Variants in CIMAP2 observed in about 807,000 individuals in gnomAD.
The protein encoded by CIMAP2 is ciliary microtubule associated protein 2, also known as ciliary microtubule-associated protein 2.
chr1:54,833,331 C>T, the CIMAP2 span, among the ~76,000 whole-genome samples: 5 of 152,214 alleles, frequency 3.3e-5, no homozygotes, highest in Middle Eastern at 3.2e-3. Flanking sequence ...CCCTGTGCTT[C>T]AGCCTCACCT....
At chr1:54,829,638 G>C in the CIMAP2 span, among the ~76,000 whole-genome samples, 4 of 152,200 alleles carry the variant, frequency 2.6e-5, no homozygotes, top group African/African-American at 4.8e-5. Context: ...ACCAGAAAAA[G>C]TCTGCCATTC....
At chr1:54,807,170 G>A in the CIMAP2 span, 18 of 1,367,990 alleles carry the variant, frequency 1.3e-5, no homozygotes, top group Middle Eastern at 1.8e-4. Context: ...GAGCTGAGCT[G>A]TAGAAGGGGC....
At chr1:54,807,837 C>T in the CIMAP2 span, 23 of 1,530,816 alleles carry the variant, frequency 1.5e-5, no homozygotes, top group African/African-American at 5.6e-5. Flanking sequence ...CTTCTTCCTG[C>T]GTGGATTTTC....
At chr1:54,838,031 A>G in the CIMAP2 span, among the ~76,000 whole-genome samples, 1 of 151,932 alleles carries the variant, frequency 6.6e-6, no homozygotes, top group Non-Finnish European at 1.5e-5. Flanking sequence ...GGAGGCAAAT[A>G]TTATATTGAA....
At chr1:54,841,746 C>T in the CIMAP2 span, 8 of 1,595,218 alleles carry the variant, frequency 5.0e-6, no homozygotes, top group Non-Finnish European at 6.0e-6. Flanking sequence ...GGATGAGGAG[C>T]TCACTCCCTT....
At chr1:54,840,593 C>T in the CIMAP2 span, among the ~76,000 whole-genome samples, 1 of 152,154 alleles carries the variant, frequency 6.6e-6, no homozygotes, top group Admixed American at 6.5e-5. Flanking sequence ...ATTTTGCACT[C>T]CCACCAGCAA....
At chr1:54,831,866 T>C in the CIMAP2 span, among the ~76,000 whole-genome samples, 1 of 152,206 alleles carries the variant, frequency 6.6e-6, no homozygotes, top group Non-Finnish European at 1.5e-5. Context: ...CATGAACTTT[T>C]TTTTTGACAC....
the CIMAP2 span, among the ~76,000 whole-genome samples, chr1:54,836,977 A>G: frequency 6.6e-6 from 1 of 151,992 alleles, no homozygotes; most frequent in Non-Finnish European, 1.5e-5. Context: ...ATGGGAGGAA[A>G]TCTTTGGAAA....
At chr1:54,835,386 C>T in the CIMAP2 span, among the ~76,000 whole-genome samples, 1 of 151,690 alleles carries the variant, frequency 6.6e-6, no homozygotes, top group South Asian at 2.1e-4. Context: ...CAGGAGGTTT[C>T]ACCATGTTGC....
At chr1:54,808,615 G>GGGGGC in the CIMAP2 span, among the ~76,000 whole-genome samples, 383 of 138,814 alleles carry the variant, frequency 2.8e-3, 39 homozygotes, top group African/African-American at 9.5e-3. Context: ...GTGCTGCCGG[G>GGGGGC]GGAGGGCAGT....
At chr1:54,812,036 TGTGCTCTAGGGGA>T in the CIMAP2 span, 2 of 1,614,170 alleles carry the variant, frequency 1.2e-6, no homozygotes, top group South Asian at 2.2e-5. Flanking sequence ...TCACCTCTGC[TGTGCTCTAGGGGA>T]GTGGTCTGGG....
At chr1:54,839,130 GA>G in the CIMAP2 span, among the ~76,000 whole-genome samples, 113,590 of 151,902 alleles carry the variant, frequency 0.75, 43,734 homozygotes, top group Middle Eastern at 0.85. Flanking sequence ...CCAGGGAGGA[GA>G]AAAAAAATTA....
chr1:54,837,419 A>C, the CIMAP2 span, among the ~76,000 whole-genome samples: 3 of 152,118 alleles, frequency 2.0e-5, no homozygotes, highest in African/African-American at 7.3e-5. Flanking sequence ...GCTACTAAGC[A>C]CAACTCTCTT....
the CIMAP2 span, among the ~76,000 whole-genome samples, chr1:54,822,783 G>A: frequency 6.6e-6 from 1 of 152,180 alleles, no homozygotes; most frequent in Non-Finnish European, 1.5e-5. Flanking sequence ...TGGGATTCCA[G>A]GCATGAGACA....
chr1:54,814,012 A>G, the CIMAP2 span: 1 of 1,555,158 alleles, frequency 6.4e-7, no homozygotes, highest in Non-Finnish European at 8.7e-7. Context: ...CCTCTCTCGG[A>G]GGGCAGCTCT....
At chr1:54,820,112 C>CTCTTTCTTTCTTTCTTTCTT in the CIMAP2 span, among the ~76,000 whole-genome samples, 42 of 8,350 alleles carry the variant, frequency 5.0e-3, no homozygotes, top group East Asian at 0.064. Flanking sequence ...TTCTCTCTCT[C>CTCTTTCTTTCTTTCTTTCTT]TCTTTCTTTC....
chr1:54,828,862 C>T, the CIMAP2 span, among the ~76,000 whole-genome samples: 2 of 151,972 alleles, frequency 1.3e-5, no homozygotes, highest in Non-Finnish European at 2.9e-5. Flanking sequence ...TTAAATCTTC[C>T]CAGTGATGTA....
the CIMAP2 span, among the ~76,000 whole-genome samples, chr1:54,816,298 A>G: frequency 1.2e-4 from 19 of 152,136 alleles, no homozygotes; most frequent in African/African-American, 4.3e-4. Context: ...GGGTCCTAAC[A>G]TCTCCCCAGC....
the CIMAP2 span, among the ~76,000 whole-genome samples, chr1:54,828,943 T>C: frequency 6.6e-6 from 1 of 152,288 alleles, no homozygotes; most frequent in East Asian, 1.9e-4. Flanking sequence ...GATTATAAGC[T>C]TCATCTGAAA....
Sources: allele counts gnomAD v4.1 joint callset (sites outside exome capture counted in the v4.1 genomes callset), GRCh38; gene constraint gnomAD v4.1.1; transcripts MANE v1.5; gene names NCBI Gene and HGNC (gene_info 2026-07-23, HGNC 2026-07-21).